The following LAPTM4B variants were observed in gnomAD, a reference collection of about 807,000 sequenced individuals.
LAPTM4B encodes the protein lysosomal-associated transmembrane protein 4B.
Under a neutral mutation model 28.5 loss-of-function variants are expected in LAPTM4B, and 26 were observed. That is an observed-to-expected ratio of 0.91 (90% confidence interval 0.67 to 1.27). The LOEUF is 1.27. Among genes scored for constraint, LAPTM4B ranks in the 50% most tolerant of loss-of-function variants. LAPTM4B has a pLI of 0.00. For missense variants in LAPTM4B, 288 were observed against 285.8 expected (o/e 1.01, Z -0.06); for synonymous variants, 109 against 106.4 (o/e 1.02, Z -0.15).
intron 1 of LAPTM4B, among the ~76,000 whole-genome samples, chr8:97,799,794 C>T (rs1816643417): frequency 6.6e-6 from 1 of 152,178 alleles, no homozygotes; most frequent in Non-Finnish European, 1.5e-5. Context: ...CTGGCCCCAT[C>T]CTACATTTTT....
intron 6 of LAPTM4B, among the ~76,000 whole-genome samples, chr8:97,841,945 C>T (rs552150565): frequency 6.6e-6 from 1 of 152,250 alleles, no homozygotes; most frequent in African/African-American, 2.4e-5. Context: ...CTTAAGTGCC[C>T]TTAAATAATG....
chr8:97,817,894 A>G (rs899788834), intron 4 of LAPTM4B, among the ~76,000 whole-genome samples: 6 of 150,854 alleles, frequency 4.0e-5, no homozygotes, highest in Admixed American at 1.3e-4. Flanking sequence ...CCAGCCTGCA[A>G]CCTCAATCTT....
intron 2 of LAPTM4B, among the ~76,000 whole-genome samples, chr8:97,808,953 T>C (rs1346204456): frequency 2.0e-5 from 3 of 151,086 alleles, no homozygotes; most frequent in African/African-American, 4.9e-5. Flanking sequence ...AGAGCAAGAC[T>C]GCATCTCAGA....
intron 6 of LAPTM4B, among the ~76,000 whole-genome samples, chr8:97,841,845 G>A (rs1383057372): frequency 1.3e-5 from 2 of 152,150 alleles, no homozygotes; most frequent in East Asian, 1.9e-4. Flanking sequence ...TTTTAAACAA[G>A]ATGCATTATA....
intron 1 of LAPTM4B, among the ~76,000 whole-genome samples, chr8:97,803,791 A>G (rs2917960): frequency 1 from 151,767 of 152,212 alleles, 75,667 homozygotes; most frequent in Middle Eastern, 1. Context: ...GACTACAGGC[A>G]TGCACCACTG....
chr8:97,816,251 G>A, intron 4 of LAPTM4B, 71 bp downstream of exon 4: 1 of 1,405,678 alleles, frequency 7.1e-7, no homozygotes, highest in Non-Finnish European at 9.7e-7. Context: ...TAAGGGATGT[G>A]TAGAGATACA....
chr8:97,836,005 G>A (rs759493710), intron 6 of LAPTM4B, among the ~76,000 whole-genome samples: 16 of 152,096 alleles, frequency 1.1e-4, no homozygotes, highest in Non-Finnish European at 7.3e-5. Context: ...TAGGCTGCAT[G>A]CTCCTTTTGA....
chr8:97,812,399 G>T (rs528943933), intron 2 of LAPTM4B, among the ~76,000 whole-genome samples: 1 of 151,612 alleles, frequency 6.6e-6, no homozygotes, highest in African/African-American at 2.4e-5. Flanking sequence ...TAGAGACAGG[G>T]TTTCACCATG....
At chr8:97,786,270 C>A (rs192392787) in intron 1 of LAPTM4B, among the ~76,000 whole-genome samples, 1 of 152,074 alleles carries the variant, frequency 6.6e-6, no homozygotes, top group African/African-American at 2.4e-5. Context: ...TTGCTCCTAA[C>A]GTTTTAAGAG....
In LAPTM4B at chr8:97,805,459, A is replaced by G; in HGVS notation, c.206A>G (p.Asp69Gly). 2.5e-6 allele frequency: 4 copies of G among 1,575,560 alleles called. No individual in the cohort carries two copies. The highest frequency in any genetic ancestry group is 2.6e-6 in the Non-Finnish European group (3 of 1,145,670). ...ELGGDFEFMD[D>G]ANMCIAIAIS... ...GGAGGTGACTTTGAGTTCATGGATG[A>G]TGCCAGTAAGTAGTAGATATTTGGG... The change falls in exon 2 of 7, where the codon GAT becomes GGT. Residue 69 changes from aspartate to glycine, a missense_variant. Physicochemically the swap from Asp to Gly is moderately conservative, Grantham distance 94. Transcript: ENST00000521545.
rs60489660 is a variant in LAPTM4B, at chr8:97,782,906, T to TTTTATTTATTTATTTA, written c.99+6826_99+6841dup. ...ACCACCATACCTGGCTAATTTTGTA[T>TTTTATTTATTTATTTA]TTTATTTATTTATTTATTTATTTAT... is the stretch of plus-strand genomic sequence containing the variant. On this transcript the variant is annotated intron_variant, in intron 1 of 6. Transcript: ENST00000521545. Among the ~76,000 whole-genome samples, 881 of 135,112 alleles carry TTTTATTTATTTATTTA rather than the reference T, an allele frequency of 6.5e-3. 6 individuals carry two copies. The highest frequency in any genetic ancestry group is 0.01 in the East Asian group (47 of 4,584). 88.6% of individuals were successfully genotyped at this position (135,112 alleles called of 152,430 possible).
At chr8:97,850,476 G>GTGTGTGTATGTGTGTGTGTGTA (rs1817506901) in intron 6 of LAPTM4B, among the ~76,000 whole-genome samples, 3 of 147,560 alleles carry the variant, frequency 2.0e-5, no homozygotes, top group Non-Finnish European at 4.5e-5. Context: ...GTGTGTGTGT[G>GTGTGTGTATGTGTGTGTGTGTA]TGTGTGTGTG....
chr8:97,801,751 G>A (rs1333126120), intron 1 of LAPTM4B, among the ~76,000 whole-genome samples: 1 of 151,406 alleles, frequency 6.6e-6, no homozygotes, highest in Admixed American at 6.6e-5. Flanking sequence ...TACTGAGGCG[G>A]GAGAATCACT....
intron 1 of LAPTM4B, 90 bp downstream of exon 1, chr8:97,776,198 G>A: frequency 7.6e-7 from 1 of 1,314,250 alleles, no homozygotes; most frequent in Non-Finnish European, 1.0e-6. Context: ...GGTGAGGCGT[G>A]CGCTCATCCG....
intron 1 of LAPTM4B, among the ~76,000 whole-genome samples, chr8:97,789,062 A>C (rs1563602198): frequency 2.0e-5 from 3 of 146,444 alleles, no homozygotes; most frequent in Non-Finnish European, 3.0e-5. Context: ...TTATTTATTT[A>C]TTTATTTATT....
intron 2 of LAPTM4B, among the ~76,000 whole-genome samples, chr8:97,811,731 G>T (rs948655558): frequency 2.0e-5 from 3 of 152,168 alleles, no homozygotes; most frequent in Non-Finnish European, 4.4e-5. Flanking sequence ...GATCCTGACA[G>T]CCTTGAGGAA....
intron 6 of LAPTM4B, among the ~76,000 whole-genome samples, chr8:97,831,369 G>T (rs2262489): frequency 0.47 from 71,489 of 151,994 alleles, 17,082 homozygotes; most frequent in East Asian, 0.57. Flanking sequence ...TTGCAGACTC[G>T]GAACATAGGT....
chr8:97,821,064 G>A (rs914804150), intron 5 of LAPTM4B, among the ~76,000 whole-genome samples: 31 of 151,848 alleles, frequency 2.0e-4, no homozygotes, highest in Non-Finnish European at 3.5e-4. Context: ...AAGGCCGGGT[G>A]TGGTGGCTCA....
chr8:97,830,018 A>G (rs1817154973), intron 6 of LAPTM4B, among the ~76,000 whole-genome samples: 1 of 152,120 alleles, frequency 6.6e-6, no homozygotes. Flanking sequence ...CCAGAAAGTG[A>G]AGAAGATGTT....
Sources: allele counts gnomAD v4.1 joint callset (sites outside exome capture counted in the v4.1 genomes callset), GRCh38; gene constraint gnomAD v4.1.1; transcripts MANE v1.5; gene names NCBI Gene and HGNC (gene_info 2026-07-23, HGNC 2026-07-21).